TRDN: variants seen among roughly 807,000 people sequenced by gnomAD.
The protein encoded by TRDN is triadin.
A neutral mutation model predicts 149.7 loss-of-function variants in TRDN; 161 were observed. That is an observed-to-expected ratio of 1.08 (90% CI 0.95 to 1.23). The LOEUF (loss-of-function observed/expected upper bound fraction) is 1.23, where lower values mean the gene tolerates loss of function less well. Among genes scored for constraint, TRDN ranks in the 50% most tolerant of loss-of-function variants. TRDN has a pLI of 0.00. For synonymous variants in TRDN, 294 were observed against 250.5 expected (o/e 1.17, Z -1.64); for missense variants, 896 against 823.5 (o/e 1.09, Z -1.08).
rs1778800722 is a variant in TRDN at position 123,503,772 on chromosome 6, G to A, written c.740C>T (p.Pro247Leu). The A allele has an allele frequency of 6.2e-7, 1 of 1,613,268 alleles. No homozygotes were observed. The highest frequency in any genetic ancestry group is 1.7e-5 in the Admixed American group (1 of 59,926). ...VKEVQKTPSK[P>L]KEKEDKEKAA... ...TTTCTCTTTGTCCTCCTTTTCTTTGGGTTTTGATGGTGTTTTCTGTACTTC... is the reference window on the plus strand; with the variant it reads ...TTTCTCTTTGTCCTCCTTTTCTTTGAGTTTTGATGGTGTTTTCTGTACTTC... The change falls in exon 8 of 41, where the codon CCC (proline) becomes CTC (leucine). Residue 247 changes from proline (P) to leucine (L), a missense_variant. Transcript: ENST00000334268.
At chr6:123,367,141 A>T (rs1781134221) in intron 19 of TRDN, among the ~76,000 whole-genome samples, 1 of 152,140 alleles carries the variant, frequency 6.6e-6, no homozygotes, top group Non-Finnish European at 1.5e-5. Flanking sequence ...GCTAGGACAG[A>T]GTATTGGATC....
intron 4 of TRDN, among the ~76,000 whole-genome samples, chr6:123,541,500 C>T (rs1406721858): frequency 6.6e-6 from 1 of 152,106 alleles, no homozygotes; most frequent in Non-Finnish European, 1.5e-5. Flanking sequence ...TTGAGCCAAC[C>T]TCCATACCTA....
intron 10 of TRDN, chr6:123,464,126 G>T: frequency 2.3e-6 from 1 of 443,100 alleles, no homozygotes; most frequent in Non-Finnish European, 3.0e-6. Flanking sequence ...ATTGAGTCTT[G>T]ACAGAGAAGG....
In TRDN at chr6:123,622,046, G is replaced by A. The variant is rs111692108; in HGVS notation, c.22+14708C>T. Among the ~76,000 whole-genome samples the A allele has an allele frequency of 1.7e-3, 257 of 152,166 alleles. 1 individual carries two copies. The highest frequency in any genetic ancestry group is 6.0e-3 in the African/African-American group (248 of 41,530). ...AGAATCTTTTTAAATGAAAGTTATA[G>A]TGCATATGCCTGGCTCTCTGGCCTC... On this transcript the variant is annotated intron_variant, in intron 1 of 40. Coordinates refer to ENST00000334268, the MANE Select transcript of TRDN (RefSeq NM_006073.4).
chr6:123,413,713 A>G (rs1179570077), intron 12 of TRDN, among the ~76,000 whole-genome samples: 1 of 152,148 alleles, frequency 6.6e-6, no homozygotes, highest in African/African-American at 2.4e-5. Flanking sequence ...GTATTTTTTC[A>G]CATAAAATTG....
rs1279027887 is a variant in TRDN at position 123,337,656 on chromosome 6, T to C, written c.1383A>G (p.Glu461=). The change falls in exon 22 of 41, where the codon GAA becomes GAG. Residue 461 remains glutamate, a synonymous_variant. Transcript: ENST00000334268. The part of the protein sequence containing the change: ...TKTVEQEIRK[E]KSGKTSSILK... ...GAATTGAAGAAGTCTTCCCAGATTT[T>C]TCTTTTCTAATTTCTGCAAGAGAGA... 10 of 1,458,798 alleles carry C rather than the reference T, an allele frequency of 6.9e-6. No homozygotes were observed. Among genetic ancestry groups the C allele is most frequent in the Non-Finnish European group, 6.4e-6 (7 of 1,088,218 alleles). The allele number at this position is 1,458,798 out of a possible 1,614,324, so 90.4% of individuals were successfully genotyped here.
intron 2 of TRDN, among the ~76,000 whole-genome samples, chr6:123,550,161 C>T (rs1436955066): frequency 6.6e-6 from 1 of 151,974 alleles, no homozygotes; most frequent in Admixed American, 6.6e-5. Flanking sequence ...AAAGCCATAA[C>T]AATGAGTGAG....
chr6:123,565,577 A>G (rs1164031323), intron 2 of TRDN, among the ~76,000 whole-genome samples: 1 of 152,210 alleles, frequency 6.6e-6, no homozygotes, highest in Admixed American at 6.5e-5. Flanking sequence ...TTCAGGTAAC[A>G]GTTGGAAACA....
At chr6:123,441,566 A>C (rs1267982709) in intron 10 of TRDN, among the ~76,000 whole-genome samples, 1 of 152,176 alleles carries the variant, frequency 6.6e-6, no homozygotes, top group Non-Finnish European at 1.5e-5. Context: ...TCTTCCCTAC[A>C]ATGAGCAGCT....
At chr6:123,589,549 T>C (rs1396173687) in intron 1 of TRDN, among the ~76,000 whole-genome samples, 1 of 152,190 alleles carries the variant, frequency 6.6e-6, no homozygotes. Context: ...GACTCTAATG[T>C]GCGTTTTTTA....
chr6:123,292,738 C>T (rs1383350655), intron 24 of TRDN, among the ~76,000 whole-genome samples: 4 of 152,106 alleles, frequency 2.6e-5, no homozygotes, highest in Non-Finnish European at 4.4e-5. Flanking sequence ...CTATGTCTTA[C>T]GAGTCACAGC....
chr6:123,466,318 A>T (rs1232159875), intron 9 of TRDN, among the ~76,000 whole-genome samples: 1 of 152,208 alleles, frequency 6.6e-6, no homozygotes. Flanking sequence ...AGTGTTTACT[A>T]TGTGCCAAGA....
At chr6:123,367,961 AG>A (rs1430923746) in intron 19 of TRDN, among the ~76,000 whole-genome samples, 2 of 152,148 alleles carry the variant, frequency 1.3e-5, no homozygotes, top group Non-Finnish European at 2.9e-5. Flanking sequence ...TTCTCCTAGA[AG>A]CTGACATACT....
chr6:123,282,902 TA>T (rs1777634988), intron 24 of TRDN, among the ~76,000 whole-genome samples: 1 of 151,928 alleles, frequency 6.6e-6, no homozygotes, highest in Admixed American at 6.6e-5. Flanking sequence ...AACTTTTATT[TA>T]GGTGATCTTA....
chr6:123,230,253 T>C (rs1473243320), intron 38 of TRDN, among the ~76,000 whole-genome samples: 5 of 151,930 alleles, frequency 3.3e-5, no homozygotes, highest in Non-Finnish European at 5.9e-5. Context: ...TGGATGAACC[T>C]GGAAACCATC....
intron 1 of TRDN, among the ~76,000 whole-genome samples, chr6:123,604,412 A>G (rs115058204): frequency 0.012 from 1,809 of 152,358 alleles, 34 homozygotes; most frequent in African/African-American, 0.041. Context: ...AGAGATAGGT[A>G]GGCAGAAAAT....
chr6:123,368,682 A>G (rs1472130860), intron 19 of TRDN, among the ~76,000 whole-genome samples: 1 of 152,150 alleles, frequency 6.6e-6, no homozygotes, highest in East Asian at 1.9e-4. Flanking sequence ...ATTTCCAACT[A>G]TATTTGTACC....
chr6:123,265,857 A>T (rs1776933929), intron 32 of TRDN, among the ~76,000 whole-genome samples: 1 of 147,298 alleles, frequency 6.8e-6, no homozygotes, highest in Non-Finnish European at 1.5e-5. Context: ...GGTAAAAAAA[A>T]TCGTAAAGAC....
chr6:123,216,365 G>C lies in TRDN; in HGVS notation c.*2236C>G, dbSNP rs1282704665. ...TGGAAGATCTATAACTATTTTATTA[G>C]ACGGTAATATATAAACAAATGACAG... On this transcript the variant is annotated 3_prime_UTR_variant, in exon 41 of 41. Coordinates refer to ENST00000334268, the MANE Select transcript of TRDN (RefSeq NM_006073.4). 2 of 151,812 alleles carry C rather than the reference G, an allele frequency of 1.3e-5. No individual in the cohort carries two copies. The highest frequency in any genetic ancestry group is 1.3e-4 in the Admixed American group (2 of 15,206). 9.4% of individuals were successfully genotyped at this position (151,812 alleles called of 1,614,324 possible). A position where few individuals can be genotyped will look rare whatever the true frequency, so the allele number is the denominator to read the frequency against.
Sources: allele counts gnomAD v4.1 joint callset (sites outside exome capture counted in the v4.1 genomes callset), GRCh38; gene constraint gnomAD v4.1.1; transcripts MANE v1.5; gene names NCBI Gene and HGNC (gene_info 2026-07-23, HGNC 2026-07-21).